Variants in CLSTN2 observed in about 807,000 individuals in gnomAD.
CLSTN2 encodes the protein calsyntenin-2.
A neutral mutation model predicts 101.2 loss-of-function variants in CLSTN2; 48 were observed. The observed-to-expected ratio is 0.47, with a 90% confidence interval of 0.38 to 0.60. The LOEUF (loss-of-function observed/expected upper bound fraction) is 0.60. CLSTN2 is among the 20% of genes least tolerant of loss of function. The pLI is 0.00. For missense variants in CLSTN2, 1,160 were observed against 1,238.2 expected, an observed-to-expected ratio of 0.94 and a Z score of 0.95; for synonymous variants, 481 against 463.6, an observed-to-expected ratio of 1.04 and a Z score of -0.48.
intron 8 of CLSTN2, among the ~76,000 whole-genome samples, chr3:140,472,709 T>C (rs534391846): frequency 4.6e-5 from 7 of 150,840 alleles, no homozygotes; most frequent in South Asian, 2.1e-4. Flanking sequence ...TGTCTTTTTT[T>C]TCTCTCTCTC....
chr3:140,445,500 G>A (rs993217990), intron 5 of CLSTN2, among the ~76,000 whole-genome samples: 23 of 152,176 alleles, frequency 1.5e-4, no homozygotes, highest in African/African-American at 5.6e-4. Context: ...CTCAAGACTG[G>A]TGCCGCAGGG....
intron 2 of CLSTN2, among the ~76,000 whole-genome samples, chr3:140,335,587 A>G (rs572570964): frequency 4.5e-4 from 67 of 150,364 alleles, no homozygotes; most frequent in African/African-American, 1.7e-3. Context: ...CCTAAGACAT[A>G]AAAGACAGCT....
chr3:140,185,702 G>T (rs974258733), intron 2 of CLSTN2, among the ~76,000 whole-genome samples: 1 of 152,070 alleles, frequency 6.6e-6, no homozygotes, highest in African/African-American at 2.4e-5. Context: ...ATGGTGGGGG[G>T]CACGTGGGGA....
intron 1 of CLSTN2, among the ~76,000 whole-genome samples, chr3:140,008,451 C>T (rs1412264443): frequency 6.6e-6 from 1 of 152,232 alleles, no homozygotes; most frequent in Non-Finnish European, 1.5e-5. Context: ...AGGCTGTAGC[C>T]TGGTAGGTGA....
intron 8 of CLSTN2, among the ~76,000 whole-genome samples, chr3:140,529,967 C>T (rs1183816579): frequency 2.0e-5 from 3 of 152,182 alleles, no homozygotes; most frequent in African/African-American, 7.2e-5. Context: ...CTCTTAACCT[C>T]TGTGAGTAGG....
chr3:140,279,393 G>T (rs760295480), intron 2 of CLSTN2, among the ~76,000 whole-genome samples: 1 of 152,242 alleles, frequency 6.6e-6, no homozygotes, highest in South Asian at 2.1e-4. Context: ...TGAAGGTGCT[G>T]CATGCCTTGA....
rs1448676692 is a variant in CLSTN2 at position 139,935,227 on chromosome 3, G to A, written c.-148G>A. ...CCGGCGAGCTAGCGGCGCAGCGGCGGGAACCCGAGGCCGAGCGCCGCGGCG... is the reference window on the plus strand; with the variant it reads ...CCGGCGAGCTAGCGGCGCAGCGGCGAGAACCCGAGGCCGAGCGCCGCGGCG... On this transcript the variant is annotated 5_prime_UTR_variant, in exon 1 of 17. Coordinates refer to ENST00000458420, the MANE Select transcript of CLSTN2 (RefSeq NM_022131.3). This position sits in a 1 kb window ranked among gnomAD's most constrained non-coding sequence, Gnocchi z 5.5. 5 of 363,732 alleles carry A rather than the reference G, an allele frequency of 1.4e-5. No individual in the cohort carries two copies. Among genetic ancestry groups the A allele is most frequent in the Non-Finnish European group, 2.4e-5 (5 of 209,714 alleles). 22.5% of individuals were successfully genotyped at this position (363,732 alleles called of 1,614,324 possible).
chr3:140,426,833 G>A (rs1235315339), intron 5 of CLSTN2, among the ~76,000 whole-genome samples: 1 of 152,048 alleles, frequency 6.6e-6, no homozygotes, highest in African/African-American at 2.4e-5. Flanking sequence ...TTCTTATATG[G>A]TATTTTCCAC....
rs59676465 is a variant in CLSTN2, at chr3:139,935,561, G to A, written c.109+78G>A. ...GAGGGTGAAAGCGGCAAGGACCTAG[G>A]CTCAAGCTGGATTTGCCCACCCTCC... On this transcript the variant is annotated intron_variant, in intron 1 of 16. Coordinates refer to ENST00000458420, the MANE Select transcript of CLSTN2 (RefSeq NM_022131.3). The surrounding 1 kb of genome is among the most constrained non-coding windows in gnomAD (Gnocchi z 5.5). 0.014 allele frequency: 10,720 copies of A among 739,322 alleles called. 180 individuals carry two copies. Among genetic ancestry groups the A allele is most frequent in the East Asian group, 0.071 (2,056 of 29,156 alleles). 45.8% of individuals were successfully genotyped at this position (739,322 alleles called of 1,614,324 possible). A position where few individuals can be genotyped will look rare whatever the true frequency, so the allele number is the denominator to read the frequency against.
chr3:140,093,718 T>C (rs532837929), intron 1 of CLSTN2, among the ~76,000 whole-genome samples: 1 of 152,308 alleles, frequency 6.6e-6, no homozygotes, highest in Admixed American at 6.5e-5. Flanking sequence ...ATGACCAGTG[T>C]GCAAAATTAT....
intron 1 of CLSTN2, among the ~76,000 whole-genome samples, chr3:140,015,851 C>T (rs185352073): frequency 9.2e-5 from 14 of 152,368 alleles, no homozygotes; most frequent in Admixed American, 3.3e-4. Context: ...TCTGCTCCAC[C>T]TTTCTGACCA....
In CLSTN2 at chr3:140,049,208, C is replaced by T. The variant is rs764118403; in HGVS notation, c.109+113725C>T. On this transcript the variant is annotated intron_variant, in intron 1 of 16. Coordinates refer to ENST00000458420, the MANE Select transcript of CLSTN2 (RefSeq NM_022131.3). ...TCTGGAGTGGAATAAATCACCTTCA[C>T]GTCTTTCCCCTTTGGGTGGCCTCTG... Among the ~76,000 whole-genome samples, 6 of 152,352 alleles carry T rather than the reference C, an allele frequency of 3.9e-5. No homozygotes were observed. The South Asian group carries it at 8.3e-4, about 21-fold the overall frequency.
At chr3:140,037,194 C>T (rs2007671422) in intron 1 of CLSTN2, among the ~76,000 whole-genome samples, 1 of 152,140 alleles carries the variant, frequency 6.6e-6, no homozygotes, top group African/African-American at 2.4e-5. Flanking sequence ...TTCAAACATG[C>T]ATAAAAACAC....
At chr3:140,302,416 C>T (rs1178263206) in intron 2 of CLSTN2, among the ~76,000 whole-genome samples, 1 of 152,088 alleles carries the variant, frequency 6.6e-6, no homozygotes, top group Non-Finnish European at 1.5e-5. Flanking sequence ...TCATTTGGTT[C>T]CCTTGGGATT....
intron 2 of CLSTN2, among the ~76,000 whole-genome samples, chr3:140,352,957 A>C (rs1043108156): frequency 3.6e-4 from 55 of 152,184 alleles, no homozygotes; most frequent in African/African-American, 1.3e-3. Flanking sequence ...ATTTGGAAAA[A>C]AATTATATCT....
chr3:140,115,056 G>T (rs898424794), intron 1 of CLSTN2, among the ~76,000 whole-genome samples: 1 of 152,136 alleles, frequency 6.6e-6, no homozygotes, highest in African/African-American at 2.4e-5. Context: ...ACACTTTCTT[G>T]TTTCTAGGTG....
At chr3:139,943,269 T>G (rs1295423289) in intron 1 of CLSTN2, among the ~76,000 whole-genome samples, 3 of 152,130 alleles carry the variant, frequency 2.0e-5, no homozygotes, top group African/African-American at 7.2e-5. Flanking sequence ...CTAGAACCTC[T>G]CCTCAATTCC....
At chr3:140,425,031 C>T (rs1448052150) in intron 5 of CLSTN2, among the ~76,000 whole-genome samples, 1 of 152,208 alleles carries the variant, frequency 6.6e-6, no homozygotes, top group Non-Finnish European at 1.5e-5. Flanking sequence ...CCCAAACTGA[C>T]TCCTCACAAG....
chr3:140,500,500 T>A (rs1313081170), intron 8 of CLSTN2, among the ~76,000 whole-genome samples: 1 of 152,150 alleles, frequency 6.6e-6, no homozygotes, highest in African/African-American at 2.4e-5. Context: ...GACAAGAAAT[T>A]GGGATGTTTC....
Sources: allele counts gnomAD v4.1 joint callset (sites outside exome capture counted in the v4.1 genomes callset), GRCh38; gene constraint gnomAD v4.1.1; non-coding constraint Gnocchi (gnomAD v3.1); transcripts MANE v1.5; gene names NCBI Gene and HGNC (gene_info 2026-07-23, HGNC 2026-07-21).